The following USP53 variants were observed in gnomAD, a reference collection of about 807,000 sequenced individuals.
USP53 encodes the protein ubiquitin specific peptidase 53, also known as ubiquitin carboxyl-terminal hydrolase 53.
USP53 carries 71 observed loss-of-function variants against 94.9 expected under a neutral mutation model. The ratio of observed to expected loss-of-function variants is 0.75; its 90% CI spans 0.62 to 0.91. The LOEUF is 0.91. USP53 is among the 40% of genes least tolerant of loss of function. The pLI is 0.00. For missense variants in USP53, 1,173 were observed against 1,281.0 expected (o/e 0.92, Z 1.29); for synonymous variants, 375 against 422.7 (o/e 0.89, Z 1.39).
intron 5 of USP53, among the ~76,000 whole-genome samples, chr4:119,241,958 A>C (rs765035054): frequency 6.6e-6 from 1 of 151,890 alleles, no homozygotes; most frequent in Non-Finnish European, 1.5e-5. Context: ...TCCATTTTCA[A>C]GTTCATTAAT....
At chr4:119,240,118 G>T (rs1747318814) in intron 5 of USP53, among the ~76,000 whole-genome samples, 1 of 151,858 alleles carries the variant, frequency 6.6e-6, no homozygotes, top group Admixed American at 6.6e-5. Context: ...GTATCACTAT[G>T]ATATAAATAA....
intron 17 of USP53, among the ~76,000 whole-genome samples, chr4:119,283,898 A>G (rs370681999): frequency 2.1e-3 from 315 of 152,034 alleles, no homozygotes; most frequent in African/African-American, 7.3e-3. Flanking sequence ...TGAATGCCAC[A>G]GACACAGACA....
chr4:119,252,347 T>C (rs1255398333), intron 7 of USP53, among the ~76,000 whole-genome samples: 1 of 152,224 alleles, frequency 6.6e-6, no homozygotes, highest in Non-Finnish European at 1.5e-5. Context: ...AATTTGGCTG[T>C]GAATCCATCT....
chr4:119,261,582 A>G, intron 11 of USP53, 133 bp from the exon 12 acceptor site: 1 of 598,456 alleles, frequency 1.7e-6, no homozygotes, highest in African/African-American at 1.9e-5. Context: ...CCTTCAAGTA[A>G]TAATATAATA....
Position 119,239,631 on chromosome 4 carries a change from G to T in USP53, c.-129G>T. ...ATAACATCAGGAAAGATATGGACTT[G>T]GAAACTTACATTATTAAAATAGACT... On this transcript the variant is annotated 5_prime_UTR_variant, in exon 5 of 19. Transcript: ENST00000692078. 1 of 1,110,852 alleles carries T rather than the reference G, an allele frequency of 9.0e-7. No individual in the cohort carries two copies. Among genetic ancestry groups the T allele is most frequent in the South Asian group, 1.9e-5 (1 of 51,542 alleles). 68.8% of individuals were successfully genotyped at this position (1,110,852 alleles called of 1,614,324 possible).
At chr4:119,266,482 C>A (rs1452905279) in intron 12 of USP53, 2 of 380,450 alleles carry the variant, frequency 5.3e-6, no homozygotes, top group Non-Finnish European at 1.0e-5. Context: ...TTAATGTTAG[C>A]CCTTCTCGTG....
chr4:119,224,250 G>C (rs549127951), intron 3 of USP53, among the ~76,000 whole-genome samples: 2 of 151,972 alleles, frequency 1.3e-5, no homozygotes, highest in African/African-American at 4.8e-5. Context: ...TGCCCACCTT[G>C]GCCTCCCAAA....
chr4:119,239,049 A>T (rs1396229481), intron 4 of USP53, among the ~76,000 whole-genome samples, 169 bp from the exon 5 acceptor site: 1 of 152,170 alleles, frequency 6.6e-6, no homozygotes, highest in African/African-American at 2.4e-5. Context: ...TTGATATTTT[A>T]AAAATGTAAA....
intron 17 of USP53, among the ~76,000 whole-genome samples, chr4:119,285,181 A>G (rs1410137042): frequency 6.6e-6 from 1 of 151,872 alleles, no homozygotes; most frequent in Non-Finnish European, 1.5e-5. Flanking sequence ...ATTTGAATGA[A>G]AAGGATGGCA....
chr4:119,273,637 A>T lies in USP53; in HGVS notation c.2180A>T (p.Gln727Leu). The T allele has an allele frequency of 6.2e-7, 1 of 1,612,780 alleles. No individual in the cohort carries two copies. Among genetic ancestry groups the T allele is most frequent in the Non-Finnish European group, 8.5e-7 (1 of 1,179,204 alleles). ...GTGTGTATTTTATTTTCTAGTGACC[A>T]GATTACGACAAGCAACCTAAATAAA... is the stretch of plus-strand genomic sequence containing the variant. The part of the protein sequence containing the change: ...GVKETVCFSD[Q>L]ITTSNLNKER... The change falls in exon 17 of 19, where the codon CAG becomes CTG. Residue 727 changes from glutamine (Q) to leucine (L), a missense_variant. By Grantham distance (113) the Gln-to-Leu change is moderately radical. Coordinates refer to ENST00000692078, the MANE Select transcript of USP53 (RefSeq NM_001371395.1).
chr4:119,259,966 G>T, intron 10 of USP53, 41 bp downstream of exon 10: 1 of 1,471,532 alleles, frequency 6.8e-7, no homozygotes, highest in South Asian at 1.3e-5. Context: ...TTCTTGTTTT[G>T]TAGATTTGAA....
chr4:119,252,983 T>G (rs1181691342), intron 7 of USP53, among the ~76,000 whole-genome samples: 1 of 152,128 alleles, frequency 6.6e-6, no homozygotes, highest in Admixed American at 6.6e-5. Flanking sequence ...GCCTTCATTT[T>G]GTTAGTTACC....
intron 12 of USP53, among the ~76,000 whole-genome samples, chr4:119,265,384 A>G (rs760864659): frequency 1.4e-4 from 21 of 152,190 alleles, no homozygotes; most frequent in East Asian, 5.8e-4. Flanking sequence ...TTGCTTTTAC[A>G]TAGTTTAAAT....
At chr4:119,275,770 T>G (rs1162359561) in intron 17 of USP53, among the ~76,000 whole-genome samples, 2 of 152,218 alleles carry the variant, frequency 1.3e-5, no homozygotes, top group Non-Finnish European at 2.9e-5. Context: ...CTCTTTTATT[T>G]CCTTGAGCAG....
At chr4:119,260,185 T>G (rs1750315752) in intron 10 of USP53, among the ~76,000 whole-genome samples, 1 of 152,208 alleles carries the variant, frequency 6.6e-6, no homozygotes, top group African/African-American at 2.4e-5. Context: ...GAAAGTTTCT[T>G]TTCAGTAAAC....
intron 11 of USP53, among the ~76,000 whole-genome samples, 198 bp from the exon 12 acceptor site, chr4:119,261,517 G>A (rs1292452717): frequency 6.6e-6 from 1 of 152,112 alleles, no homozygotes; most frequent in Non-Finnish European, 1.5e-5. Flanking sequence ...TGGACTTAAA[G>A]TTTTATGAAT....
intron 3 of USP53, among the ~76,000 whole-genome samples, chr4:119,225,605 G>T (rs1745127074): frequency 6.6e-6 from 1 of 152,004 alleles, no homozygotes; most frequent in African/African-American, 2.4e-5. Flanking sequence ...AATTAGCCGG[G>T]CGTGGTGGCG....
At chr4:119,264,290 G>T (rs867278989) in intron 12 of USP53, among the ~76,000 whole-genome samples, 2 of 152,114 alleles carry the variant, frequency 1.3e-5, no homozygotes, top group Admixed American at 6.5e-5. Context: ...GGGGAGGATA[G>T]TAAAACTACT....
intron 12 of USP53, among the ~76,000 whole-genome samples, chr4:119,267,010 T>C (rs956378968): frequency 6.6e-6 from 1 of 152,210 alleles, no homozygotes; most frequent in Non-Finnish European, 1.5e-5. Context: ...CTGACTCTTA[T>C]ATTTCTCCAT....
Sources: gnomAD v4.1 joint callset for allele counts (sites outside exome capture counted in the v4.1 genomes callset) on GRCh38, gnomAD v4.1.1 for gene constraint, MANE v1.5 for transcripts, NCBI Gene and HGNC (gene_info 2026-07-23, HGNC 2026-07-21) for gene names.